The following DAB1 variants were observed in gnomAD, a reference collection of about 807,000 sequenced individuals.
The protein encoded by DAB1 is DAB adaptor protein 1, also known as disabled homolog 1.
In DAB1, 15 loss-of-function variants were observed where a neutral mutation model predicts 64.6. The observed-to-expected ratio is 0.23, with a 90% CI of 0.16 to 0.36. The LOEUF (loss-of-function observed/expected upper bound fraction) is 0.36. Among genes scored for constraint, DAB1 ranks in the 10% least tolerant of loss-of-function variants. DAB1 has a pLI of 1.00. For missense variants in DAB1, 596 were observed against 706.7 expected, an observed-to-expected ratio of 0.84 and a Z score of 1.78; for synonymous variants, 235 against 251.9, an observed-to-expected ratio of 0.93 and a Z score of 0.64.
intron 7 of DAB1, among the ~76,000 whole-genome samples, chr1:57,429,504 C>T (rs2101111757): frequency 6.6e-6 from 1 of 152,238 alleles, no homozygotes; most frequent in South Asian, 2.1e-4. Flanking sequence ...TGTAGCCCCA[C>T]CTGTCTACTT....
At chr1:57,715,037 C>T (rs764292957) in intron 6 of DAB1, among the ~76,000 whole-genome samples, 2 of 152,190 alleles carry the variant, frequency 1.3e-5, no homozygotes, top group Non-Finnish European at 2.9e-5. Context: ...TCACAAAATA[C>T]TAGCAAACCA....
At chr1:57,912,260 G>T (rs1470720789) in intron 5 of DAB1, among the ~76,000 whole-genome samples, 1 of 152,098 alleles carries the variant, frequency 6.6e-6, no homozygotes, top group African/African-American at 2.4e-5. Flanking sequence ...ACCATTTGCA[G>T]CAATCTAATT....
intron 9 of DAB1, chr1:57,033,569 C>T: frequency 6.2e-7 from 1 of 1,612,076 alleles, no homozygotes. Context: ...AAACGAATAG[C>T]CATTCTGAAA....
chr1:58,249,433 T>A (rs2100400632), intron 4 of DAB1, among the ~76,000 whole-genome samples: 1 of 151,738 alleles, frequency 6.6e-6, no homozygotes, highest in East Asian at 2.0e-4. Context: ...ATCTAATTGA[T>A]CAATCATCTC....
At chr1:57,287,898 C>T (rs1029972806) in intron 2 of DAB1, among the ~76,000 whole-genome samples, 2 of 151,922 alleles carry the variant, frequency 1.3e-5, no homozygotes, top group Admixed American at 6.6e-5. Context: ...CAGGTTCAAG[C>T]GATTCTCCTG....
chr1:57,602,594 G>A (rs960776933), intron 7 of DAB1, among the ~76,000 whole-genome samples: 9 of 152,194 alleles, frequency 5.9e-5, no homozygotes, highest in East Asian at 1.9e-4. Context: ...ATGGAAACAC[G>A]AACTTACTGG....
chr1:57,856,831 A>G (rs936416936), intron 1 of DAB1, among the ~76,000 whole-genome samples: 1 of 152,184 alleles, frequency 6.6e-6, no homozygotes, highest in African/African-American at 2.4e-5. Flanking sequence ...AAGGGTCTCA[A>G]TGGGGATGTG....
At position 57,409,276 on chromosome 1, in the gene DAB1, C is replaced by T. The variant is rs956448499; in HGVS notation, c.-137+14654G>A. 3.9e-5 allele frequency among the ~76,000 whole-genome samples: 6 copies of T among 152,206 alleles called. No homozygotes were observed. In the South Asian group the frequency reaches 1.2e-3, roughly 31 times the overall value. ...ATCTCTGTCTTTCGCTTCTTTGTCA[C>T]ACTTTCAGTTCTTCCAACACCTTTG... On this transcript the variant is annotated intron_variant, in intron 1 of 14. Coordinates refer to ENST00000371236, the MANE Select transcript of DAB1 (RefSeq NM_001365792.1).
intron 3 of DAB1, among the ~76,000 whole-genome samples, chr1:57,138,061 T>C (rs1658281865): frequency 6.6e-6 from 1 of 152,178 alleles, no homozygotes; most frequent in African/African-American, 2.4e-5. Context: ...ATGCCTGGTA[T>C]ACTGAAGAAA....
chr1:57,127,780 C>T (rs1657266323), intron 4 of DAB1, among the ~76,000 whole-genome samples: 1 of 152,116 alleles, frequency 6.6e-6, no homozygotes, highest in African/African-American at 2.4e-5. Flanking sequence ...TGTAATAATT[C>T]AATGACAAAA....
In DAB1 at chr1:57,247,996, T is replaced by C. The variant is rs528958695; in HGVS notation, c.67+42968A>G. On this transcript the variant is annotated intron_variant, in intron 2 of 14. Coordinates refer to ENST00000371236, the MANE Select transcript of DAB1 (RefSeq NM_001365792.1). ...TAAATTAACTTCAATTTTGCCTGAA[T>C]GATTATACAGTCATCACTTGGTATC... Among the ~76,000 whole-genome samples, 11 of 152,320 alleles carry C rather than the reference T, an allele frequency of 7.2e-5. No homozygotes were observed. The South Asian group carries it at 2.3e-3, about 32-fold the overall frequency.
At chr1:58,010,170 C>G (rs150435294) in intron 5 of DAB1, among the ~76,000 whole-genome samples, 3 of 152,004 alleles carry the variant, frequency 2.0e-5, no homozygotes, top group Non-Finnish European at 4.4e-5. Context: ...CAGCATTATG[C>G]CCATTCCCTC....
chr1:58,494,557 C>A (rs1645760645), intron 3 of DAB1, among the ~76,000 whole-genome samples: 2 of 151,946 alleles, frequency 1.3e-5, no homozygotes, highest in Non-Finnish European at 2.9e-5. Flanking sequence ...ACAATGAACT[C>A]AAACAAATTT....
chr1:58,462,915 T>C (rs1645257837), intron 3 of DAB1: 1 of 152,216 alleles, frequency 6.6e-6, no homozygotes, highest in Admixed American at 6.5e-5. Flanking sequence ...GGGACAACTG[T>C]CGTTCTTATT....
chr1:58,245,244 T>C (rs978942122), intron 4 of DAB1, among the ~76,000 whole-genome samples: 35 of 152,330 alleles, frequency 2.3e-4, no homozygotes, highest in African/African-American at 7.7e-4. Context: ...TCAGTCACTG[T>C]ACTAAAGTGA....
chr1:57,867,569 T>A (rs527429176), intron 1 of DAB1: 1 of 152,120 alleles, frequency 6.6e-6, no homozygotes. Flanking sequence ...TAGATCTGGG[T>A]AGGAAAACAA....
At chr1:58,130,419 A>G (rs1442147020) in intron 5 of DAB1, among the ~76,000 whole-genome samples, 1 of 151,764 alleles carries the variant, frequency 6.6e-6, no homozygotes, top group Non-Finnish European at 1.5e-5. Flanking sequence ...CCAACTTGCC[A>G]GTCTGTGCCT....
At chr1:58,117,367 T>C (rs1034922392) in intron 5 of DAB1, among the ~76,000 whole-genome samples, 9 of 152,204 alleles carry the variant, frequency 5.9e-5, no homozygotes, top group Admixed American at 3.9e-4. Flanking sequence ...TTGCAGATGA[T>C]AAACAGTCTC....
chr1:57,990,755 G>C (rs1646323918), intron 5 of DAB1, among the ~76,000 whole-genome samples: 1 of 152,160 alleles, frequency 6.6e-6, no homozygotes, highest in Non-Finnish European at 1.5e-5. Context: ...CAGGCCCGGG[G>C]GAGGGGCCCA....
Sources: allele counts gnomAD v4.1 joint callset (sites outside exome capture counted in the v4.1 genomes callset), GRCh38; gene constraint gnomAD v4.1.1; transcripts MANE v1.5; gene names NCBI Gene and HGNC (gene_info 2026-07-23, HGNC 2026-07-21).